C22orf39: variants seen among roughly 807,000 people sequenced by gnomAD.
C22orf39 encodes chromosome 22 open reading frame 39, also known as synaptic plasticity regulator PANTS.
C22orf39 carries 20 observed loss-of-function variants against 18.3 expected under a neutral mutation model. The ratio of observed to expected loss-of-function variants is 1.09; its 90% confidence interval spans 0.77 to 1.59. C22orf39 has a LOEUF of 1.59. Ranked by LOEUF, C22orf39 falls within the 40% of genes most tolerant of loss-of-function variation. The pLI, the probability that C22orf39 is intolerant of heterozygous loss-of-function variation, is 0.00. For synonymous variants in C22orf39, 63 were observed against 59.6 expected (o/e 1.06, Z -0.26); for missense variants, 195 against 156.1 (o/e 1.25, Z -1.33).
At chr22:19,446,276 G>C (rs748349418) in intron 2 of C22orf39, among the ~76,000 whole-genome samples, 2 of 152,168 alleles carry the variant, frequency 1.3e-5, no homozygotes, top group Non-Finnish European at 2.9e-5. Flanking sequence ...TATATAAGCT[G>C]TCAGCTTTCT....
chr22:19,443,217 T>A lies in C22orf39; in HGVS notation c.*1048A>T. The A allele has an allele frequency of 1.0e-6, 1 of 984,590 alleles. No individual in the cohort carries two copies. The highest frequency in any genetic ancestry group is 1.2e-6 in the Non-Finnish European group (1 of 829,864). 61.0% of individuals were successfully genotyped at this position (984,590 alleles called of 1,614,324 possible). A position where few individuals can be genotyped will look rare whatever the true frequency, so the allele number is the denominator to read the frequency against. ...AGATTATTCTGCCCCAAAGAACAAA[T>A]TAAAAGATATTCAACTTGCTGCCTG... is the stretch of plus-strand genomic sequence containing the variant. On this transcript the variant is annotated 3_prime_UTR_variant, in exon 3 of 3. Transcript: ENST00000399562.
intron 2 of C22orf39, among the ~76,000 whole-genome samples, 176 bp from the exon 3 acceptor site, chr22:19,444,566 G>A (rs188245944): frequency 3.3e-5 from 5 of 152,244 alleles, no homozygotes; most frequent in Admixed American, 6.5e-5. Flanking sequence ...CCATATTAGC[G>A]CACAGAGATG....
chr22:19,446,834 CTGGG>C (rs2089642819), intron 2 of C22orf39, among the ~76,000 whole-genome samples: 1 of 152,172 alleles, frequency 6.6e-6, no homozygotes, highest in Non-Finnish European at 1.5e-5. Context: ...TCCCAAGTAG[CTGGG>C]ACCACAGGTG....
Position 19,444,347 on chromosome 22 carries a change from C to T in C22orf39, c.236G>A (p.Arg79Gln), listed in dbSNP as rs766548902. 8.8e-6 allele frequency: 14 copies of T among 1,598,762 alleles called. No homozygotes were observed. The highest frequency in any genetic ancestry group is 8.1e-5 in the African/African-American group (6 of 73,900). The change falls in exon 3 of 3, where the codon CGG becomes CAG. Residue 79 changes from arginine to glutamine, a missense_variant. Coordinates refer to ENST00000399562, the MANE Select transcript of C22orf39 (RefSeq NM_173793.5). ...CGGGGCCCACACCAGGATGTGCTTCCGTGCAGCCCGGACTCGTGCCCGCTC... is the reference window on the plus strand; with the variant it reads ...CGGGGCCCACACCAGGATGTGCTTCTGTGCAGCCCGGACTCGTGCCCGCTC... ...ESERARVRAA[R>Q]KHILVWAPRQ...
In C22orf39 at chr22:19,443,241, TG is replaced by T. The variant is rs1210622929; in HGVS notation, c.*1023del. 5.1e-6 allele frequency: 5 copies of T among 985,386 alleles called. No individual in the cohort carries two copies. In the African/African-American group the frequency reaches 7.0e-5, roughly 14 times the overall value. The allele number at this position is 985,386 out of a possible 1,614,324, so 61.0% of individuals were successfully genotyped here. ...ATTAAAAGATATTCAACTTGCTGCC[TG>T]TGTCCAGGAAGAGAGCAGGGAGGGT... On this transcript the variant is annotated 3_prime_UTR_variant, in exon 3 of 3. Coordinates refer to ENST00000399562, the MANE Select transcript of C22orf39 (RefSeq NM_173793.5).
chr22:19,444,517 A>AGCTGTGCT, intron 2 of C22orf39, 127 bp from the exon 3 acceptor site: 9 of 906,650 alleles, frequency 9.9e-6, no homozygotes, highest in Non-Finnish European at 1.4e-5. Flanking sequence ...ACCACTCTGC[A>AGCTGTGCT]GCACAGCTGC....
At chr22:19,447,231 C>T in intron 2 of C22orf39, 147 bp downstream of exon 2, 1 of 892,680 alleles carries the variant, frequency 1.1e-6, no homozygotes, top group Non-Finnish European at 1.6e-6. Flanking sequence ...TGCTAATTTA[C>T]ACAATCTCTC....
rs1290450364 is a variant in C22orf39 at position 19,442,762 on chromosome 22, G to T, written c.*1503C>A. The T allele has an allele frequency of 6.6e-6, 1 of 152,110 alleles. No homozygotes were observed. Among genetic ancestry groups the T allele is most frequent in the African/African-American group, 2.4e-5 (1 of 41,400 alleles). The allele number at this position is 152,110 out of a possible 1,614,324, so 9.4% of individuals were successfully genotyped here. A position where few individuals can be genotyped will look rare whatever the true frequency, so the allele number is the denominator to read the frequency against. ...TTTTGTATTTTTAATAGAGATGGGG[G>T]GTTTCAACCATGTTGGCCAGGCTGG... On this transcript the variant is annotated 3_prime_UTR_variant, in exon 3 of 3. Coordinates refer to ENST00000399562, the MANE Select transcript of C22orf39 (RefSeq NM_173793.5).
Position 19,447,520 on chromosome 22 carries a change from C to T in C22orf39, c.50G>A (p.Arg17His). Residue 17 changes from arginine (R) to histidine (H), a missense_variant, in exon 2 of 3, where the codon CGC (arginine) becomes CAC (histidine). By Grantham distance (29) the Arg-to-His change is conservative (BLOSUM62 0). Coordinates refer to ENST00000399562, the MANE Select transcript of C22orf39 (RefSeq NM_173793.5). ...WQPPRPCEAY[R>H]AEWKLCRSAR... ...GCTGCGGCAGAGCTTCCACTCGGCG[C>T]GGTAGGCCTCGCAGGGGCGCGGCGG... 1 of 1,479,180 alleles carries T rather than the reference C, an allele frequency of 6.8e-7. No homozygotes were observed. Among genetic ancestry groups the T allele is most frequent in the Non-Finnish European group, 8.9e-7 (1 of 1,119,784 alleles). 91.6% of individuals were successfully genotyped at this position (1,479,180 alleles called of 1,614,324 possible).
At chr22:19,444,983 C>G (rs1401020040) in intron 2 of C22orf39, among the ~76,000 whole-genome samples, 2 of 152,188 alleles carry the variant, frequency 1.3e-5, no homozygotes, top group African/African-American at 2.4e-5. Context: ...ACATGGGTGA[C>G]CTTTGCTGTC....
In C22orf39 at chr22:19,444,112, A is replaced by T; in HGVS notation, c.*153T>A. ...CCTGCATGCAGGTGAGGGGTGGGCA[A>T]GTAGGGCTAGCAATGTCCTGCTCCA... On this transcript the variant is annotated 3_prime_UTR_variant, in exon 3 of 3. Coordinates refer to ENST00000399562, the MANE Select transcript of C22orf39 (RefSeq NM_173793.5). 1 of 1,358,830 alleles carries T rather than the reference A, an allele frequency of 7.4e-7. No individual in the cohort carries two copies. The highest frequency in any genetic ancestry group is 9.4e-7 in the Non-Finnish European group (1 of 1,063,960). The allele number at this position is 1,358,830 out of a possible 1,614,324, so 84.2% of individuals were successfully genotyped here.
chr22:19,444,583 A>AT (rs1266931005), intron 2 of C22orf39, among the ~76,000 whole-genome samples, 193 bp from the exon 3 acceptor site: 2 of 152,032 alleles, frequency 1.3e-5, no homozygotes, highest in East Asian at 1.9e-4. Context: ...GATGGAGATC[A>AT]TTTTTTTTCT....
In C22orf39 at chr22:19,442,588, G is replaced by C. The variant is rs2089619220; in HGVS notation, c.*1677C>G. 1 of 152,176 alleles carries C rather than the reference G, an allele frequency of 6.6e-6. No homozygotes were observed. Among genetic ancestry groups the C allele is most frequent in the South Asian group, 2.1e-4 (1 of 4,826 alleles). The allele number at this position is 152,176 out of a possible 1,614,324, so 9.4% of individuals were successfully genotyped here. On this transcript the variant is annotated 3_prime_UTR_variant, in exon 3 of 3. Transcript: ENST00000399562. ...ACTCATTTTATTATTTTATCTTTGA[G>C]ACAAGAGTCTCACTCTGTCGCCCAG...
intron 2 of C22orf39, among the ~76,000 whole-genome samples, chr22:19,446,489 C>CGA (rs1331860226): frequency 6.6e-6 from 1 of 152,180 alleles, no homozygotes; most frequent in African/African-American, 2.4e-5. Context: ...TCTCCTCTCC[C>CGA]ACAAGGGGTC....
intron 2 of C22orf39, 127 bp from the exon 3 acceptor site, chr22:19,444,517 A>G: frequency 1.1e-6 from 1 of 906,674 alleles, no homozygotes; most frequent in Non-Finnish European, 1.6e-6. Context: ...ACCACTCTGC[A>G]GCACAGCTGC....
Position 19,447,557 on chromosome 22 carries a change from G to C in C22orf39, c.25-12C>G, listed in dbSNP as rs544083947. On this transcript the variant is annotated splice_polypyrimidine_tract_variant and intron_variant, in intron 1 of 2. Coordinates refer to ENST00000399562, the MANE Select transcript of C22orf39 (RefSeq NM_173793.5). ...CAGGGGCGCGGCGGCTGCGGCGAGAGGCGGCGCCTGAGCGGGGCCCGGCGG... is the reference window on the plus strand; with the variant it reads ...CAGGGGCGCGGCGGCTGCGGCGAGACGCGGCGCCTGAGCGGGGCCCGGCGG... 1.4e-6 allele frequency: 2 copies of C among 1,416,016 alleles called. No homozygotes were observed. The highest frequency in any genetic ancestry group is 3.0e-5 in the East Asian group (1 of 33,798). 87.7% of individuals were successfully genotyped at this position (1,416,016 alleles called of 1,614,324 possible). A position where few individuals can be genotyped will look rare whatever the true frequency, so the allele number is the denominator to read the frequency against.
At position 19,441,962 on chromosome 22, in the gene C22orf39, T is replaced by C. The variant is rs1312006742; in HGVS notation, c.*2303A>G. ...AATGCACGCCACCATGCATAGCTCA[T>C]TTATTTTTTGTAGAGATGGGGTCTT... On this transcript the variant is annotated 3_prime_UTR_variant, in exon 3 of 3. Coordinates refer to ENST00000399562, the MANE Select transcript of C22orf39 (RefSeq NM_173793.5). 1 of 321,854 alleles carries C rather than the reference T, an allele frequency of 3.1e-6. No homozygotes were observed. Among genetic ancestry groups the C allele is most frequent in the Admixed American group, 5.1e-5 (1 of 19,786 alleles). The allele number at this position is 321,854 out of a possible 1,614,324, so 19.9% of individuals were successfully genotyped here. A position where few individuals can be genotyped will look rare whatever the true frequency, so the allele number is the denominator to read the frequency against.
In C22orf39 at chr22:19,441,801, T is replaced by G; in HGVS notation, c.*2464A>C. 7.1e-6 allele frequency: 10 copies of G among 1,409,926 alleles called. No homozygotes were observed. The highest frequency in any genetic ancestry group is 9.4e-6 in the Non-Finnish European group (10 of 1,059,710). The allele number at this position is 1,409,926 out of a possible 1,614,324, so 87.3% of individuals were successfully genotyped here. A position where few individuals can be genotyped will look rare whatever the true frequency, so the allele number is the denominator to read the frequency against. On this transcript the variant is annotated 3_prime_UTR_variant, in exon 3 of 3. Transcript: ENST00000399562. Reference sequence around the variant, plus strand: ...TCAGAAATTACCACCATTTTATTTTTATTTATTTTGAGACAGGATATTGCT... The same window carrying G: ...TCAGAAATTACCACCATTTTATTTTGATTTATTTTGAGACAGGATATTGCT...
Position 19,442,195 on chromosome 22 carries a change from T to C in C22orf39, c.*2070A>G, listed in dbSNP as rs1009333179. On this transcript the variant is annotated 3_prime_UTR_variant, in exon 3 of 3. Coordinates refer to ENST00000399562, the MANE Select transcript of C22orf39 (RefSeq NM_173793.5). The stretch of plus-strand genomic sequence containing the variant: ...TGTCTGTTTCAAAACTGTGGTCTTA[T>C]AAGCCTCAAACCCTGTCCAACATGT... 1 of 153,590 alleles carries C rather than the reference T, an allele frequency of 6.5e-6. No homozygotes were observed. The highest frequency in any genetic ancestry group is 1.5e-5 in the Non-Finnish European group (1 of 68,908). 9.5% of individuals were successfully genotyped at this position (153,590 alleles called of 1,614,324 possible).
Sources: allele counts gnomAD v4.1 joint callset (sites outside exome capture counted in the v4.1 genomes callset), GRCh38; gene constraint gnomAD v4.1.1; transcripts MANE v1.5; gene names NCBI Gene and HGNC (gene_info 2026-07-23, HGNC 2026-07-21).